Variants in CGGBP1 observed in about 807,000 individuals in gnomAD.
CGGBP1 encodes the protein CGG triplet repeat-binding protein 1.
Under a neutral mutation model 11.4 loss-of-function variants are expected in CGGBP1, and 4 were observed. That is an observed-to-expected ratio of 0.35 (90% CI 0.17 to 0.80). CGGBP1 has a LOEUF of 0.80. Ranked by LOEUF, CGGBP1 falls within the 30% of genes least tolerant of loss-of-function variation. The probability of loss-of-function intolerance (pLI) is 0.52; values close to 1 mark genes in which losing one functional copy is unlikely to be tolerated. For synonymous variants in CGGBP1, 76 were observed against 74.1 expected (o/e 1.03, Z -0.13); for missense variants, 135 against 202.1 (o/e 0.67, Z 2.01).
At chr3:88,087,447 A>G (rs1708395268) in intron 2 of CGGBP1, among the ~76,000 whole-genome samples, 2 of 152,208 alleles carry the variant, frequency 1.3e-5, no homozygotes, top group Admixed American at 1.3e-4. Context: ...ATTTGTGATT[A>G]TGCCTTCTGC....
At chr3:88,067,686 C>T (rs776835996) in intron 2 of CGGBP1, among the ~76,000 whole-genome samples, 1 of 152,146 alleles carries the variant, frequency 6.6e-6, no homozygotes, top group Non-Finnish European at 1.5e-5. Context: ...GAGATCCAAT[C>T]GTTGAATTAA....
intron 2 of CGGBP1, among the ~76,000 whole-genome samples, chr3:88,074,651 TTTC>T (rs1337114849): frequency 6.6e-6 from 1 of 152,194 alleles, no homozygotes; most frequent in Non-Finnish European, 1.5e-5. Flanking sequence ...TGTGTCTTAC[TTTC>T]TTAAGAGTCT....
chr3:88,082,485 G>A (rs577042139), intron 2 of CGGBP1, among the ~76,000 whole-genome samples: 3 of 152,196 alleles, frequency 2.0e-5, no homozygotes, highest in Non-Finnish European at 4.4e-5. Context: ...CTTAATATTA[G>A]TGAACAGCTT....
intron 2 of CGGBP1, among the ~76,000 whole-genome samples, chr3:88,106,325 A>G (rs1025529686): frequency 6.6e-6 from 1 of 151,704 alleles, no homozygotes; most frequent in African/African-American, 2.4e-5. Flanking sequence ...GAAAATGTAT[A>G]TTTTTTTCAT....
At chr3:88,112,813 CATT>C (rs370506561) in intron 2 of CGGBP1, among the ~76,000 whole-genome samples, 20 of 152,052 alleles carry the variant, frequency 1.3e-4, no homozygotes, top group African/African-American at 4.8e-4. Flanking sequence ...ATATAGCTAT[CATT>C]GTTGTGACCT....
At chr3:88,149,396 G>A (rs1333611913) in intron 1 of CGGBP1, among the ~76,000 whole-genome samples, 1 of 152,254 alleles carries the variant, frequency 6.6e-6, no homozygotes, top group African/African-American at 2.4e-5. Flanking sequence ...AGGCCGAGCC[G>A]GCAACGAGGG....
At chr3:88,102,907 AG>A (rs1274560114) in intron 2 of CGGBP1, among the ~76,000 whole-genome samples, 1 of 140,486 alleles carries the variant, frequency 7.1e-6, no homozygotes, top group East Asian at 2.1e-4. Context: ...TATATTGCTG[AG>A]GTTTGGGATA....
rs189447266 is a variant in CGGBP1, at chr3:88,118,621, C to T, written c.-229+22349G>A. On this transcript the variant is annotated intron_variant, in intron 2 of 3. Coordinates refer to the CGGBP1 transcript ENST00000462901. ...GTACTTGGAATAAGTTTCCCAAAGA[C>T]TTAATTTGGGAAGGTCCTAATCTTG... is the stretch of plus-strand genomic sequence containing the variant. Among the ~76,000 whole-genome samples, 766 of 152,296 alleles carry T rather than the reference C, an allele frequency of 5.0e-3. 4 individuals carry two copies. Among genetic ancestry groups the T allele is most frequent in the Non-Finnish European group, 7.7e-3 (526 of 68,028 alleles).
intron 2 of CGGBP1, among the ~76,000 whole-genome samples, chr3:88,137,456 A>G (rs1706866318): frequency 6.6e-6 from 1 of 152,188 alleles, no homozygotes; most frequent in African/African-American, 2.4e-5. Flanking sequence ...AGAGGTTACT[A>G]TGTACCAACT....
At chr3:88,077,660 A>C (rs909118555) in intron 2 of CGGBP1, among the ~76,000 whole-genome samples, 11 of 148,672 alleles carry the variant, frequency 7.4e-5, no homozygotes, top group Non-Finnish European at 1.5e-4. Context: ...AAAATAACAC[A>C]TAGGAAAGAT....
chr3:88,113,344 G>A, intron 2 of CGGBP1: 1 of 466,952 alleles, frequency 2.1e-6, no homozygotes, highest in Middle Eastern at 4.6e-4. Flanking sequence ...ATTACTGGCT[G>A]ATAAAGAAAA....
chr3:88,098,093 T>C (rs1704175246), intron 2 of CGGBP1, among the ~76,000 whole-genome samples: 1 of 151,240 alleles, frequency 6.6e-6, no homozygotes, highest in Non-Finnish European at 1.5e-5. Context: ...GCAAGACTAA[T>C]AAAGAAGAAA....
intron 2 of CGGBP1, among the ~76,000 whole-genome samples, chr3:88,114,172 A>G (rs768695159): frequency 2.0e-5 from 3 of 152,174 alleles, no homozygotes; most frequent in Non-Finnish European, 4.4e-5. Context: ...CAGAAAGACA[A>G]TCAAACCTTT....
intron 2 of CGGBP1, among the ~76,000 whole-genome samples, chr3:88,099,277 A>T (rs544453148): frequency 2.0e-5 from 3 of 152,280 alleles, no homozygotes; most frequent in Admixed American, 2.0e-4. Flanking sequence ...CTTACAAGGG[A>T]TGTGAAGGAC....
intron 2 of CGGBP1, among the ~76,000 whole-genome samples, chr3:88,119,559 AAAAC>A (rs1705645607): frequency 6.6e-6 from 1 of 152,076 alleles, no homozygotes; most frequent in African/African-American, 2.4e-5. Context: ...TAAAAAAAAA[AAAAC>A]AATAATTATT....
At chr3:88,101,486 A>G (rs1704423818) in intron 2 of CGGBP1, among the ~76,000 whole-genome samples, 1 of 152,150 alleles carries the variant, frequency 6.6e-6, no homozygotes. Flanking sequence ...ACTTAGAATA[A>G]TGTTCTTGAG....
intron 1 of CGGBP1, chr3:88,141,728 T>C: frequency 1.7e-6 from 2 of 1,198,884 alleles, no homozygotes; most frequent in South Asian, 1.9e-5. Flanking sequence ...ATCATCAGTT[T>C]GCTATTTCCC....
At chr3:88,125,985 CA>C (rs1008020820) in intron 2 of CGGBP1, 8 of 740,078 alleles carry the variant, frequency 1.1e-5, no homozygotes, top group Non-Finnish European at 9.8e-6. Context: ...GGGGTTTCGA[CA>C]CCCTACTTAG....
chr3:88,055,377 A>AT lies in CGGBP1; in HGVS notation c.*95dup. The AT allele has an allele frequency of 2.4e-6, 3 of 1,232,622 alleles. No individual in the cohort carries two copies. Among genetic ancestry groups the AT allele is most frequent in the Non-Finnish European group, 3.3e-6 (3 of 899,184 alleles). 76.4% of individuals were successfully genotyped at this position (1,232,622 alleles called of 1,614,324 possible). A position where few individuals can be genotyped will look rare whatever the true frequency, so the allele number is the denominator to read the frequency against. ...TTGCAAAACTATTCTGCGTCACATGATTTTAAATGAAATAAATACAAAAAT... is the reference window on the plus strand; with the variant it reads ...TTGCAAAACTATTCTGCGTCACATGATTTTTAAATGAAATAAATACAAAAAT... On this transcript the variant is annotated 3_prime_UTR_variant, in exon 4 of 4. Coordinates refer to ENST00000482016, the MANE Select transcript of CGGBP1 (RefSeq NM_001008390.2). The surrounding 1 kb of genome is among the most constrained non-coding windows in gnomAD (Gnocchi z 4.2).
Sources: gnomAD v4.1 joint callset for allele counts (sites outside exome capture counted in the v4.1 genomes callset) on GRCh38, gnomAD v4.1.1 for gene constraint, Gnocchi (gnomAD v3.1) non-coding constraint, MANE v1.5 for transcripts, NCBI Gene and HGNC (gene_info 2026-07-23, HGNC 2026-07-21) for gene names.